Variants in CCDC38 observed in about 807,000 individuals in gnomAD.
CCDC38 encodes coiled-coil domain containing 38.
CCDC38 carries 69 observed loss-of-function variants against 72.8 expected under a neutral mutation model. That is an observed-to-expected ratio of 0.95 (90% CI 0.78 to 1.16). The LOEUF is 1.16. Among genes scored for constraint, CCDC38 ranks in the 50% most tolerant of loss-of-function variants. CCDC38 has a pLI of 0.00. For missense variants in CCDC38, 626 were observed against 638.9 expected, an observed-to-expected ratio of 0.98 and a Z score of 0.22; for synonymous variants, 201 against 213.2, an observed-to-expected ratio of 0.94 and a Z score of 0.50.
In CCDC38 at chr12:95,872,244, A is replaced by G. The variant is rs762100819; in HGVS notation, c.1484+11T>C. The stretch of plus-strand genomic sequence containing the variant: ...TACTCATTAAGTCATTCTTATCCTT[A>G]TTGACTGTACTTTTGCCGCCATTCT... On this transcript the variant is annotated intron_variant, in intron 14 of 15. Transcript: ENST00000344280. 6.2e-7 allele frequency: 1 copy of G among 1,613,244 alleles called. No homozygotes were observed. Among genetic ancestry groups the G allele is most frequent in the African/African-American group, 1.3e-5 (1 of 74,878 alleles).
chr12:95,899,325 T>C (rs2079926874), intron 5 of CCDC38, among the ~76,000 whole-genome samples: 1 of 152,216 alleles, frequency 6.6e-6, no homozygotes, highest in Admixed American at 6.5e-5. Context: ...TGAGACAAGG[T>C]CTTGCTCTGT....
At chr12:95,928,226 C>A (rs2136734797) in intron 2 of CCDC38, among the ~76,000 whole-genome samples, 2 of 152,198 alleles carry the variant, frequency 1.3e-5, no homozygotes, top group South Asian at 4.2e-4. Context: ...TTCTTGGAGG[C>A]TTTGCTCGTT....
At chr12:95,885,825 C>G (rs908052131) in intron 10 of CCDC38, 2 of 152,162 alleles carry the variant, frequency 1.3e-5, no homozygotes, top group African/African-American at 4.8e-5. Flanking sequence ...CCTATCCTCC[C>G]TAAGGCACGG....
chr12:95,917,306 G>A lies in CCDC38; in HGVS notation c.139-12C>T. On this transcript the variant is annotated splice_polypyrimidine_tract_variant and intron_variant, in intron 3 of 15. Coordinates refer to ENST00000344280, the MANE Select transcript of CCDC38 (RefSeq NM_182496.3). The stretch of plus-strand genomic sequence containing the variant: ...TTCATAAATTTTTCCTGCCCAAGTG[G>A]AAAAGTTGAAAAGAATTTTTAATAT... The A allele has an allele frequency of 6.4e-7, 1 of 1,571,848 alleles. No homozygotes were observed. The highest frequency in any genetic ancestry group is 8.6e-7 in the Non-Finnish European group (1 of 1,167,990).
intron 10 of CCDC38, among the ~76,000 whole-genome samples, chr12:95,887,922 A>G (rs912871494): frequency 6.6e-6 from 1 of 152,184 alleles, no homozygotes; most frequent in African/African-American, 2.4e-5. Flanking sequence ...CGTTTCTCTC[A>G]GTGATTGTCA....
chr12:95,933,163 G>C (rs113362656), intron 2 of CCDC38: 1 of 152,026 alleles, frequency 6.6e-6, no homozygotes, highest in African/African-American at 2.4e-5. Context: ...AACACAAAAA[G>C]TAGTAACTAT....
At chr12:95,910,954 A>G (rs1416087450) in intron 4 of CCDC38, among the ~76,000 whole-genome samples, 1 of 152,184 alleles carries the variant, frequency 6.6e-6, no homozygotes, top group African/African-American at 2.4e-5. Flanking sequence ...CGCAAAAAGA[A>G]CGAAGTTGGA....
chr12:95,940,891 CAAAAA>C (rs71091221), intron 1 of CCDC38, among the ~76,000 whole-genome samples: 9 of 66,576 alleles, frequency 1.4e-4, no homozygotes, highest in Admixed American at 6.1e-4. Context: ...AACAAACAAA[CAAAAA>C]AAAAAACTGG....
chr12:95,868,526 A>C (rs911901692), intron 15 of CCDC38, among the ~76,000 whole-genome samples: 1 of 152,076 alleles, frequency 6.6e-6, no homozygotes, highest in Non-Finnish European at 1.5e-5. Context: ...TTTTTTTGTC[A>C]TGGCACATAT....
In CCDC38 at chr12:95,894,987, A is replaced by G; in HGVS notation, c.772+2T>C. 10 of 1,603,968 alleles carry G rather than the reference A, an allele frequency of 6.2e-6. No individual in the cohort carries two copies. Among genetic ancestry groups the G allele is most frequent in the Non-Finnish European group, 8.5e-6 (10 of 1,176,120 alleles). On this transcript the variant is annotated splice_donor_variant, in intron 8 of 15. Transcript: ENST00000344280. LOFTEE classifies it high-confidence loss of function. Reference sequence around the variant, plus strand: ...CATGAAAGTTGAGTATAAGTAACTTACTTGCTAATATTTTTGGAAGGATGA... The same window carrying G: ...CATGAAAGTTGAGTATAAGTAACTTGCTTGCTAATATTTTTGGAAGGATGA...
rs1192857679 is a variant in CCDC38, at chr12:95,919,620, AC to A, written c.38-645del. ...TTCCCACAGCACCGACATAGCTCTT[AC>A]TGCTTCATGAGGAATGAGTTGATAA... On this transcript the variant is annotated intron_variant, in intron 2 of 15. Transcript: ENST00000344280. 4 of 455,946 alleles carry A rather than the reference AC, an allele frequency of 8.8e-6. No homozygotes were observed. The Admixed American group carries it at 9.4e-5, about 11-fold the overall frequency. 28.2% of individuals were successfully genotyped at this position (455,946 alleles called of 1,614,324 possible).
Position 95,879,922 on chromosome 12 carries a change from A to G in CCDC38, c.991-127T>C. ...AAGGATGAGGGAGACACAGGTAGGAACTTGTATGGGAAACTCGCCTATTTC... is the reference window on the plus strand; with the variant it reads ...AAGGATGAGGGAGACACAGGTAGGAGCTTGTATGGGAAACTCGCCTATTTC... On this transcript the variant is annotated intron_variant, in intron 11 of 15. Transcript: ENST00000344280. The surrounding 1 kb of genome is among the most constrained non-coding windows in gnomAD (Gnocchi z 5.5). 2 of 628,306 alleles carry G rather than the reference A, an allele frequency of 3.2e-6. No homozygotes were observed. The highest frequency in any genetic ancestry group is 3.7e-5 in the African/African-American group (2 of 54,688). The allele number at this position is 628,306 out of a possible 1,614,324, so 38.9% of individuals were successfully genotyped here.
intron 2 of CCDC38, among the ~76,000 whole-genome samples, chr12:95,931,620 T>C (rs758459256): frequency 2.0e-5 from 3 of 152,336 alleles, no homozygotes; most frequent in Middle Eastern, 6.8e-3. Flanking sequence ...GCCTCAACTA[T>C]GTGCCAGGTA....
At chr12:95,908,445 GAGGGA>G (rs2080041780) in intron 4 of CCDC38, among the ~76,000 whole-genome samples, 2 of 440 alleles carry the variant, frequency 4.5e-3, no homozygotes, top group Admixed American at 0.024. Flanking sequence ...ACCGTGGAAA[GAGGGA>G]GAGGGAGAGG....
intron 1 of CCDC38, among the ~76,000 whole-genome samples, chr12:95,939,038 A>C (rs973637027): frequency 6.6e-6 from 1 of 152,226 alleles, no homozygotes; most frequent in African/African-American, 2.4e-5. Context: ...GACTCTCTCT[A>C]TGTCCCTTAA....
intron 5 of CCDC38, chr12:95,903,388 T>C (rs920275766): frequency 8.7e-6 from 6 of 693,594 alleles, no homozygotes; most frequent in Admixed American, 2.0e-5. Context: ...TTTTTTTTTC[T>C]TGTCTTATTG....
At chr12:95,942,151 C>G (rs955277400) in intron 1 of CCDC38, among the ~76,000 whole-genome samples, 18 of 152,072 alleles carry the variant, frequency 1.2e-4, no homozygotes, top group Admixed American at 9.2e-4. Flanking sequence ...AGGGAAAGCG[C>G]CTTTCCTATC....
At chr12:95,912,981 C>G (rs61548261) in intron 4 of CCDC38, among the ~76,000 whole-genome samples, 24,136 of 151,970 alleles carry the variant, frequency 0.16, 2,194 homozygotes, top group African/African-American at 0.24. Context: ...TGGGAGGATC[C>G]CTTGAGCCAG....
intron 10 of CCDC38, among the ~76,000 whole-genome samples, chr12:95,886,410 A>G (rs1354201686): frequency 6.6e-6 from 1 of 152,214 alleles, no homozygotes; most frequent in African/African-American, 2.4e-5. Context: ...GGCTAGGGAA[A>G]ACGTTTTAGA....
Sources: gnomAD v4.1 joint callset for allele counts (sites outside exome capture counted in the v4.1 genomes callset) on GRCh38, gnomAD v4.1.1 for gene constraint, Gnocchi (gnomAD v3.1) non-coding constraint, MANE v1.5 for transcripts, NCBI Gene and HGNC (gene_info 2026-07-23, HGNC 2026-07-21) for gene names.